The following AUH variants were observed in gnomAD, a reference collection of about 807,000 sequenced individuals.
The protein encoded by AUH is AU RNA binding methylglutaconyl-CoA hydratase.
A neutral mutation model predicts 42.3 loss-of-function variants in AUH; 29 were observed. That is an observed-to-expected ratio of 0.69 (90% CI 0.51 to 0.93). The LOEUF (loss-of-function observed/expected upper bound fraction) is 0.93, where lower values mean the gene tolerates loss of function less well. Among genes scored for constraint, AUH ranks in the 40% least tolerant of loss-of-function variants. AUH has a pLI of 0.00. For missense variants in AUH, 452 were observed against 438.1 expected (o/e 1.03, Z -0.28); for synonymous variants, 174 against 166.4 (o/e 1.05, Z -0.35).
chr9:91,223,409 T>C (rs1056519149), intron 6 of AUH, among the ~76,000 whole-genome samples: 19 of 151,910 alleles, frequency 1.3e-4, no homozygotes, highest in African/African-American at 4.4e-4. Flanking sequence ...AATCCATTCC[T>C]TTTTAAGGCT....
At chr9:91,301,369 AG>A (rs1273503968) in intron 4 of AUH, among the ~76,000 whole-genome samples, 1 of 152,048 alleles carries the variant, frequency 6.6e-6, no homozygotes, top group Non-Finnish European at 1.5e-5. Context: ...TTCTCCAATA[AG>A]TTTATACTTT....
chr9:91,297,804 A>T (rs543451778), intron 5 of AUH, among the ~76,000 whole-genome samples, 180 bp downstream of exon 5: 35 of 152,294 alleles, frequency 2.3e-4, no homozygotes, highest in African/African-American at 5.3e-4. Context: ...AATCCTGGCA[A>T]GAAACAACAC....
intron 6 of AUH, among the ~76,000 whole-genome samples, chr9:91,283,046 C>T (rs1427244078): frequency 2.0e-5 from 3 of 152,146 alleles, no homozygotes; most frequent in East Asian, 1.9e-4. Context: ...TGATGAACAT[C>T]GGTGCAAAAA....
intron 6 of AUH, among the ~76,000 whole-genome samples, chr9:91,222,546 G>A (rs944171213): frequency 6.6e-6 from 1 of 152,194 alleles, no homozygotes; most frequent in Admixed American, 6.5e-5. Context: ...GAAAATATGT[G>A]TCTGAAGACA....
intron 6 of AUH, among the ~76,000 whole-genome samples, chr9:91,259,441 T>A (rs1413061109): frequency 2.6e-5 from 4 of 151,938 alleles, no homozygotes; most frequent in Non-Finnish European, 4.4e-5. Context: ...TTTTTTTTTT[T>A]AAACATTTTC....
intron 4 of AUH, among the ~76,000 whole-genome samples, chr9:91,306,938 C>G (rs1189675621): frequency 6.6e-6 from 1 of 152,112 alleles, no homozygotes; most frequent in Non-Finnish European, 1.5e-5. Context: ...CAATGGAATA[C>G]TACTCATCAA....
intron 6 of AUH, among the ~76,000 whole-genome samples, chr9:91,255,409 T>C (rs1463452243): frequency 1.3e-5 from 2 of 152,216 alleles, no homozygotes; most frequent in African/African-American, 4.8e-5. Flanking sequence ...ATCAAGTATT[T>C]CATCTAGTTC....
chr9:91,339,721 T>G (rs774310991), intron 3 of AUH, among the ~76,000 whole-genome samples: 1 of 152,220 alleles, frequency 6.6e-6, no homozygotes, highest in Non-Finnish European at 1.5e-5. Flanking sequence ...CTTGCACCTG[T>G]GGCTGCAATG....
chr9:91,326,601 G>A (rs1027199832), intron 3 of AUH, among the ~76,000 whole-genome samples: 5 of 152,086 alleles, frequency 3.3e-5, no homozygotes, highest in Admixed American at 2.0e-4. Context: ...ACAGGATAAT[G>A]AACACAAATT....
intron 3 of AUH, among the ~76,000 whole-genome samples, chr9:91,336,434 A>G (rs1225107020): frequency 1.3e-5 from 2 of 152,148 alleles, no homozygotes; most frequent in African/African-American, 2.4e-5. Context: ...GTTTGAGACC[A>G]GTCTGGCTAA....
chr9:91,227,119 T>C (rs1195979356), intron 6 of AUH, among the ~76,000 whole-genome samples: 17 of 150,506 alleles, frequency 1.1e-4, no homozygotes, highest in South Asian at 4.2e-4. Flanking sequence ...GGGGATGGCA[T>C]TGAATCTGTA....
intron 6 of AUH, among the ~76,000 whole-genome samples, chr9:91,284,415 T>C (rs745965300): frequency 6.6e-5 from 10 of 152,190 alleles, no homozygotes; most frequent in Non-Finnish European, 1.5e-4. Flanking sequence ...AAGGATGTCA[T>C]GTCTAAAACA....
At chr9:91,300,642 T>G (rs10991873) in intron 4 of AUH, among the ~76,000 whole-genome samples, 13,086 of 152,242 alleles carry the variant, frequency 0.086, 635 homozygotes, top group East Asian at 0.18. Context: ...GTTCAATGAT[T>G]TATTCTACCT....
chr9:91,267,517 T>G (rs935966320), intron 6 of AUH, among the ~76,000 whole-genome samples: 4 of 152,180 alleles, frequency 2.6e-5, no homozygotes, highest in Non-Finnish European at 5.9e-5. Context: ...ATGTCTTCAG[T>G]TGCCTGCACT....
intron 3 of AUH, among the ~76,000 whole-genome samples, chr9:91,344,428 T>C (rs1337382617): frequency 6.6e-6 from 1 of 152,200 alleles, no homozygotes; most frequent in African/African-American, 2.4e-5. Flanking sequence ...AAAACCAAGC[T>C]GTAGACTGAA....
At chr9:91,255,960 A>G (rs1409412480) in intron 6 of AUH, among the ~76,000 whole-genome samples, 3 of 152,138 alleles carry the variant, frequency 2.0e-5, no homozygotes, top group Admixed American at 6.5e-5. Context: ...ATAAGCTCTA[A>G]GTTCTGGCAT....
chr9:91,296,985 T>C (rs889195286), intron 5 of AUH, among the ~76,000 whole-genome samples: 1 of 152,196 alleles, frequency 6.6e-6, no homozygotes, highest in Non-Finnish European at 1.5e-5. Context: ...GAAACGATAA[T>C]GGAAAGCAAG....
chr9:91,276,527 G>T (rs1332148029), intron 6 of AUH, among the ~76,000 whole-genome samples: 1 of 151,886 alleles, frequency 6.6e-6, no homozygotes, highest in East Asian at 1.9e-4. Context: ...AATTATTTTG[G>T]ACTCTTTTTC....
chr9:91,333,072 G>T (rs1206489595), intron 3 of AUH, among the ~76,000 whole-genome samples: 2 of 152,304 alleles, frequency 1.3e-5, no homozygotes, highest in African/African-American at 4.8e-5. Context: ...TAACCTTCAG[G>T]AAAGAAAGCC....
Sources: gnomAD v4.1 joint callset for allele counts (sites outside exome capture counted in the v4.1 genomes callset) on GRCh38, gnomAD v4.1.1 for gene constraint, MANE v1.5 for transcripts, NCBI Gene and HGNC (gene_info 2026-07-23, HGNC 2026-07-21) for gene names.